The following ATP6V1E1 variants were observed in gnomAD, a reference collection of about 807,000 sequenced individuals.
ATP6V1E1 encodes the protein V-type proton ATPase subunit E 1.
Under a neutral mutation model 35.2 loss-of-function variants are expected in ATP6V1E1, and 21 were observed. That is an observed-to-expected ratio of 0.60 (90% CI 0.42 to 0.86). The LOEUF (loss-of-function observed/expected upper bound fraction) is 0.86, where lower values mean the gene tolerates loss of function less well. Ranked by LOEUF, ATP6V1E1 falls within the 40% of genes least tolerant of loss-of-function variation. The pLI is 0.00. For synonymous variants in ATP6V1E1, 83 were observed against 87.8 expected, an observed-to-expected ratio of 0.95 and a Z score of 0.30; for missense variants, 183 against 272.6, an observed-to-expected ratio of 0.67 and a Z score of 2.32.
At chr22:17,600,427 ACT>A (rs1348911209) in intron 5 of ATP6V1E1, among the ~76,000 whole-genome samples, 4 of 152,096 alleles carry the variant, frequency 2.6e-5, no homozygotes. Flanking sequence ...ACAGAGTGAG[ACT>A]CTGTCTCCAA....
rs771353650 is a variant in ATP6V1E1 at position 17,619,534 on chromosome 22, GAA to G, written c.34-10_34-9del. 1 of 1,567,142 alleles carries G rather than the reference GAA, an allele frequency of 6.4e-7. No homozygotes were observed. The highest frequency in any genetic ancestry group is 8.6e-7 in the Non-Finnish European group (1 of 1,160,546). On this transcript the variant is annotated splice_polypyrimidine_tract_variant and intron_variant, in intron 1 of 8. Transcript: ENST00000253413. The stretch of plus-strand genomic sequence containing the variant: ...AGCCATCATATGCTTTATCTATAAG[GAA>G]AAAAAGTTTTATTTTTTAGTTCAAA...
At chr22:17,614,601 G>A (rs2057832822) in intron 2 of ATP6V1E1, among the ~76,000 whole-genome samples, 1 of 151,716 alleles carries the variant, frequency 6.6e-6, no homozygotes, top group South Asian at 2.1e-4. Context: ...GAACCCAGGA[G>A]GTGGAGGTTG....
intron 7 of ATP6V1E1, among the ~76,000 whole-genome samples, chr22:17,597,585 T>C (rs1335655465): frequency 1.3e-5 from 2 of 152,038 alleles, no homozygotes; most frequent in Non-Finnish European, 2.9e-5. Context: ...TAGCTTTCAT[T>C]CTGGGGGCCA....
chr22:17,613,426 TA>T, intron 2 of ATP6V1E1, 106 bp from the exon 3 acceptor site: 1 of 809,252 alleles, frequency 1.2e-6, no homozygotes, highest in Non-Finnish European at 2.0e-6. Flanking sequence ...ATTTCATATA[TA>T]AAACAGAAAA....
intron 4 of ATP6V1E1, among the ~76,000 whole-genome samples, chr22:17,603,115 A>T (rs1437780326): frequency 6.6e-6 from 1 of 151,962 alleles, no homozygotes; most frequent in African/African-American, 2.4e-5. Flanking sequence ...TCACCCAGCT[A>T]ATTTTTGTAT....
intron 5 of ATP6V1E1, among the ~76,000 whole-genome samples, chr22:17,600,347 G>C (rs961307176): frequency 6.6e-6 from 1 of 152,134 alleles, no homozygotes; most frequent in African/African-American, 2.4e-5. Flanking sequence ...TGAGGCAAGA[G>C]AATGGCTTGA....
At chr22:17,598,456 T>C (rs1317976598) in intron 6 of ATP6V1E1, among the ~76,000 whole-genome samples, 168 bp from the exon 7 acceptor site, 1 of 152,150 alleles carries the variant, frequency 6.6e-6, no homozygotes, top group African/African-American at 2.4e-5. Context: ...GAAATGACAG[T>C]CTGCACACAG....
chr22:17,599,159 T>C (rs1484982469), intron 6 of ATP6V1E1, among the ~76,000 whole-genome samples: 1 of 151,990 alleles, frequency 6.6e-6, no homozygotes, highest in Non-Finnish European at 1.5e-5. Context: ...GAGCACAAAG[T>C]TTCAGTACGG....
intron 4 of ATP6V1E1, among the ~76,000 whole-genome samples, chr22:17,610,529 T>A (rs2057810211): frequency 6.6e-6 from 1 of 152,128 alleles, no homozygotes; most frequent in East Asian, 1.9e-4. Flanking sequence ...ACAAACCAAA[T>A]AAAAAACCTA....
intron 6 of ATP6V1E1, among the ~76,000 whole-genome samples, chr22:17,599,504 G>C (rs953753891): frequency 6.9e-6 from 1 of 145,708 alleles, no homozygotes; most frequent in African/African-American, 2.6e-5. Flanking sequence ...TGAACCCGGG[G>C]GGGCAGAGGT....
intron 7 of ATP6V1E1, chr22:17,595,348 G>C (rs1446828792): frequency 6.6e-6 from 1 of 152,042 alleles, no homozygotes; most frequent in Non-Finnish European, 1.5e-5. Flanking sequence ...CGCCCAGCCT[G>C]TGTCAATTTG....
chr22:17,596,612 G>A (rs564066790), intron 7 of ATP6V1E1, among the ~76,000 whole-genome samples: 2 of 151,994 alleles, frequency 1.3e-5, no homozygotes, highest in Non-Finnish European at 2.9e-5. Context: ...ACCCAGCCTC[G>A]GGTATTCTGT....
chr22:17,605,367 C>T (rs1601380442), intron 4 of ATP6V1E1, among the ~76,000 whole-genome samples: 1 of 151,756 alleles, frequency 6.6e-6, no homozygotes, highest in South Asian at 2.1e-4. Context: ...CCCATCTCTT[C>T]TAAAAATACA....
chr22:17,619,163 A>G (rs1325104822), intron 2 of ATP6V1E1: 2 of 452,816 alleles, frequency 4.4e-6, no homozygotes, highest in Non-Finnish European at 8.4e-6. Context: ...TTGGTGGCAC[A>G]TGCCTGTAAT....
At position 17,601,065 on chromosome 22, in the gene ATP6V1E1, A is replaced by C. The variant is rs2057759455; in HGVS notation, c.366+27T>G. The C allele has an allele frequency of 3.2e-6, 5 of 1,586,754 alleles. No individual in the cohort carries two copies. The East Asian group carries it at 1.1e-4, about 36-fold the overall frequency. On this transcript the variant is annotated intron_variant, in intron 5 of 8. Coordinates refer to ENST00000253413, the MANE Select transcript of ATP6V1E1 (RefSeq NM_001696.4). ...AAATTTTCTCAGAACTGTGGCTATC[A>C]ACAGTAGATCTGGTCTATGAGGGTA...
At chr22:17,598,053 T>C in intron 7 of ATP6V1E1, 141 bp downstream of exon 7, 1 of 671,696 alleles carries the variant, frequency 1.5e-6, no homozygotes, top group Non-Finnish European at 2.6e-6. Flanking sequence ...CAGGAACGGC[T>C]GCAAGTAGAA....
At position 17,628,734 on chromosome 22, in the gene ATP6V1E1, G is replaced by T; in HGVS notation, c.-99C>A. On this transcript the variant is annotated 5_prime_UTR_variant, in exon 1 of 9. Transcript: ENST00000253413. ...AAAGGGAACCCCTGCGCAGATCTCG[G>T]GTTCCTTTACTTTATAACCGCGGGT... The T allele has an allele frequency of 6.5e-7, 1 of 1,541,118 alleles. No homozygotes were observed. Among genetic ancestry groups the T allele is most frequent in the Non-Finnish European group, 9.0e-7 (1 of 1,115,188 alleles).
At chr22:17,595,811 A>T (rs763469897) in intron 7 of ATP6V1E1, among the ~76,000 whole-genome samples, 1 of 146,166 alleles carries the variant, frequency 6.8e-6, no homozygotes, top group Non-Finnish European at 1.5e-5. Context: ...ACAGAAAGAG[A>T]CCCTTACTCA....
chr22:17,619,996 C>G (rs908435159), intron 1 of ATP6V1E1, among the ~76,000 whole-genome samples: 1 of 152,142 alleles, frequency 6.6e-6, no homozygotes, highest in Non-Finnish European at 1.5e-5. Flanking sequence ...TTCAACTTTA[C>G]TACCTTTCTC....
Sources: gnomAD v4.1 joint callset for allele counts (sites outside exome capture counted in the v4.1 genomes callset) on GRCh38, gnomAD v4.1.1 for gene constraint, MANE v1.5 for transcripts, NCBI Gene and HGNC (gene_info 2026-07-23, HGNC 2026-07-21) for gene names.